The following RGPD2 variants were observed in gnomAD, a reference collection of about 807,000 sequenced individuals.
The protein encoded by RGPD2 is RANBP2 like and GRIP domain containing 2, also known as RANBP2-like and GRIP domain-containing protein 2.
In RGPD2, 2 loss-of-function variants were observed where a neutral mutation model predicts 36.0. The observed-to-expected ratio is 0.06, with a 90% CI of 0.02 to 0.17. The LOEUF is 0.17. Among genes scored for constraint, RGPD2 ranks in the 10% least tolerant of loss-of-function variants. RGPD2 has a pLI of 1.00. For missense variants in RGPD2, 40 were observed against 464.3 expected (o/e 0.09, Z 8.40); for synonymous variants, 19 against 163.8 (o/e 0.12, Z 6.75).
At chr2:87,826,228 A>G (rs1039577809), upstream of RGPD2, among the ~76,000 whole-genome samples, 1 of 151,896 alleles carries the variant, frequency 6.6e-6, no homozygotes, top group Non-Finnish European at 1.5e-5. Context: ...TTGAAATTCA[A>G]ATGGAAATCT....
chr2:87,937,983 G>A, the RGPD2 span, among the ~76,000 whole-genome samples: 2 of 151,934 alleles, frequency 1.3e-5, no homozygotes, highest in Non-Finnish European at 2.9e-5. Context: ...GTACAGCAGT[G>A]AGAGCAAAAT....
the RGPD2 span, among the ~76,000 whole-genome samples, chr2:87,831,504 C>T: frequency 1.1e-4 from 16 of 151,618 alleles, no homozygotes; most frequent in African/African-American, 3.6e-4. Context: ...TATGCTTAGT[C>T]AAATTACTGT....
At chr2:87,877,123 G>A in the RGPD2 span, among the ~76,000 whole-genome samples, 2 of 152,084 alleles carry the variant, frequency 1.3e-5, no homozygotes, top group East Asian at 1.9e-4. Context: ...GTCTCTTGAG[G>A]ACAGCATACC....
the RGPD2 span, among the ~76,000 whole-genome samples, chr2:87,839,528 C>T: frequency 2.6e-5 from 4 of 151,944 alleles, no homozygotes; most frequent in Admixed American, 2.0e-4. Context: ...ACATAGATGC[C>T]CATCAGTGGA....
At chr2:87,983,994 C>G in the RGPD2 span, among the ~76,000 whole-genome samples, 1 of 151,828 alleles carries the variant, frequency 6.6e-6, no homozygotes. Context: ...GGATTCTACG[C>G]AGAGGCGTGA....
the RGPD2 span, among the ~76,000 whole-genome samples, chr2:87,960,335 G>A: frequency 4.6e-5 from 4 of 87,050 alleles, no homozygotes; most frequent in East Asian, 1.7e-3. Flanking sequence ...ATTCTAAGTG[G>A]GTTTTGATAA....
At chr2:87,915,373 A>C in the RGPD2 span, among the ~76,000 whole-genome samples, 2 of 126,042 alleles carry the variant, frequency 1.6e-5, no homozygotes, top group Non-Finnish European at 3.3e-5. Flanking sequence ...ATATATGTAT[A>C]TTATATATAT....
chr2:87,984,988 C>T, the RGPD2 span, among the ~76,000 whole-genome samples: 126,322 of 139,862 alleles, frequency 0.9, 57,379 homozygotes, highest in East Asian at 0.99. Context: ...TAGAATGGTA[C>T]AGCTGAGCTA....
chr2:87,940,496 G>T, the RGPD2 span, among the ~76,000 whole-genome samples: 8 of 144,648 alleles, frequency 5.5e-5, no homozygotes, highest in African/African-American at 1.5e-4. Flanking sequence ...CCATTTGATG[G>T]CCCTGTGATT....
At chr2:87,844,531 T>C in the RGPD2 span, among the ~76,000 whole-genome samples, 1 of 148,188 alleles carries the variant, frequency 6.7e-6, no homozygotes, top group Non-Finnish European at 1.5e-5. Context: ...GTTTTCTTGT[T>C]TTTACTTTTT....
At chr2:87,857,329 A>G in the RGPD2 span, among the ~76,000 whole-genome samples, 1 of 152,140 alleles carries the variant, frequency 6.6e-6, no homozygotes, top group Non-Finnish European at 1.5e-5. Flanking sequence ...ATACTCAATA[A>G]TATTTAAAAT....
the RGPD2 span, among the ~76,000 whole-genome samples, chr2:87,924,422 C>A: frequency 1.3e-5 from 2 of 149,420 alleles, no homozygotes; most frequent in Non-Finnish European, 1.5e-5. Context: ...AGCGTTCGAG[C>A]AGTGAGGATT....
the RGPD2 span, among the ~76,000 whole-genome samples, chr2:87,846,318 C>T: frequency 6.6e-6 from 1 of 152,182 alleles, no homozygotes; most frequent in East Asian, 1.9e-4. Context: ...AACATCCACA[C>T]TCATTATTTC....
chr2:87,927,218 C>T, the RGPD2 span, among the ~76,000 whole-genome samples: 2 of 131,076 alleles, frequency 1.5e-5, no homozygotes, highest in Non-Finnish European at 3.3e-5. Flanking sequence ...ACCCTTATCA[C>T]CTCCCATAAT....
chr2:87,924,476 G>A, the RGPD2 span, among the ~76,000 whole-genome samples: 1 of 151,956 alleles, frequency 6.6e-6, no homozygotes, highest in Non-Finnish European at 1.5e-5. Context: ...GGCTGCTGCA[G>A]CTGGGTATCA....
chr2:87,815,360 A>G (rs1436103187), intron 4 of RGPD2, among the ~76,000 whole-genome samples: 1 of 25,472 alleles, frequency 3.9e-5, no homozygotes, highest in South Asian at 2.1e-3. Context: ...TCCAATGAGC[A>G]TTTCTTTGAG....
chr2:87,974,770 A>T, the RGPD2 span, among the ~76,000 whole-genome samples: 5 of 152,198 alleles, frequency 3.3e-5, no homozygotes, highest in Admixed American at 3.3e-4. Flanking sequence ...ACATCCAGCC[A>T]CCACTAAATC....
the RGPD2 span, among the ~76,000 whole-genome samples, chr2:87,877,024 C>A: frequency 7.9e-5 from 12 of 152,286 alleles, no homozygotes. Flanking sequence ...AGAATTGCAA[C>A]CCCTGCTTTT....
chr2:87,943,860 TTGAG>T, the RGPD2 span, among the ~76,000 whole-genome samples: 11 of 152,088 alleles, frequency 7.2e-5, no homozygotes, highest in African/African-American at 1.7e-4. Flanking sequence ...TCATCGTTGG[TTGAG>T]TAAGTTGTTC....
Sources: gnomAD v4.1 joint callset for allele counts (sites outside exome capture counted in the v4.1 genomes callset) on GRCh38, gnomAD v4.1.1 for gene constraint, MANE v1.5 for transcripts, NCBI Gene and HGNC (gene_info 2026-07-23, HGNC 2026-07-21) for gene names.